Variants in WWTR1 observed in about 807,000 individuals in gnomAD.
WWTR1 encodes the protein WW domain containing transcription regulator 1, also known as WW domain-containing transcription regulator protein 1.
A neutral mutation model predicts 40.1 loss-of-function variants in WWTR1; 13 were observed. The observed-to-expected ratio is 0.32, with a 90% confidence interval of 0.21 to 0.52. The LOEUF is 0.52. Ranked by LOEUF, WWTR1 falls within the 20% of genes least tolerant of loss-of-function variation. The pLI, the probability that WWTR1 is intolerant of heterozygous loss-of-function variation, is 0.97. For synonymous variants in WWTR1, 230 were observed against 210.1 expected (o/e 1.09, Z -0.82); for missense variants, 436 against 523.1 (o/e 0.83, Z 1.63).
chr3:149,690,407 A>C (rs1324081476), intron 1 of WWTR1, among the ~76,000 whole-genome samples: 1 of 152,198 alleles, frequency 6.6e-6, no homozygotes, highest in Non-Finnish European at 1.5e-5. Flanking sequence ...CATAGACTAA[A>C]AATAAAGGGA....
At chr3:149,606,081 T>C (rs1349879420) in intron 2 of WWTR1, among the ~76,000 whole-genome samples, 1 of 152,162 alleles carries the variant, frequency 6.6e-6, no homozygotes, top group Non-Finnish European at 1.5e-5. Context: ...ATATGATGAC[T>C]CGGGTAGAAG....
rs539142472 is a variant in WWTR1 at position 149,710,900 on chromosome 3, G to A, written n.584+6542C>T. ...GGCACGTTATCCCCTTTTAACAAAG[G>A]AAGAAATTGAAGCATAAAGAAGTTA... On this transcript the variant is annotated intron_variant and non_coding_transcript_variant, in intron 5 of 6. Coordinates refer to the WWTR1 transcript ENST00000474080. Among the ~76,000 whole-genome samples, 8 of 151,954 alleles carry A rather than the reference G, an allele frequency of 5.3e-5. No homozygotes were observed. In the South Asian group the frequency reaches 1.5e-3, roughly 28 times the overall value.
Position 149,517,521 on chromosome 3 carries a change from C to G in WWTR1, c.*3284G>C, listed in dbSNP as rs1734842762. 6.6e-6 allele frequency: 1 copy of G among 152,178 alleles called. No individual in the cohort carries two copies. Among genetic ancestry groups the G allele is most frequent in the South Asian group, 2.1e-4 (1 of 4,822 alleles). 9.4% of individuals were successfully genotyped at this position (152,178 alleles called of 1,614,324 possible). Reference sequence around the variant, plus strand: ...CCTTTTTTTAACAGCTTATTTTTTTCATAAAAGTTGTACTTTGAGAAGTTA... The same window carrying G: ...CCTTTTTTTAACAGCTTATTTTTTTGATAAAAGTTGTACTTTGAGAAGTTA... On this transcript the variant is annotated 3_prime_UTR_variant, in exon 7 of 7. Coordinates refer to ENST00000360632, the MANE Select transcript of WWTR1 (RefSeq NM_015472.6).
At chr3:149,548,502 A>G (rs1198891808) in intron 3 of WWTR1, among the ~76,000 whole-genome samples, 1 of 152,192 alleles carries the variant, frequency 6.6e-6, no homozygotes, top group East Asian at 1.9e-4. Flanking sequence ...ATACACATAT[A>G]CAATGCCAAG....
At chr3:149,638,468 G>A (rs759609072) in intron 2 of WWTR1, among the ~76,000 whole-genome samples, 1 of 152,104 alleles carries the variant, frequency 6.6e-6, no homozygotes, top group Non-Finnish European at 1.5e-5. Flanking sequence ...CATTTAAAGG[G>A]CAATGGCATA....
At chr3:149,560,707 C>T (rs1737045477) in intron 3 of WWTR1, among the ~76,000 whole-genome samples, 1 of 151,986 alleles carries the variant, frequency 6.6e-6, no homozygotes, top group South Asian at 2.1e-4. Context: ...AAATTCAAAA[C>T]TCACAACTCA....
chr3:149,626,772 G>T (rs1379972761), intron 2 of WWTR1, among the ~76,000 whole-genome samples: 1 of 152,178 alleles, frequency 6.6e-6, no homozygotes, highest in Non-Finnish European at 1.5e-5. Context: ...ACAGCATAAA[G>T]GTGCATCTAA....
At chr3:149,634,806 A>C (rs1711728598) in intron 2 of WWTR1, among the ~76,000 whole-genome samples, 2 of 152,184 alleles carry the variant, frequency 1.3e-5, no homozygotes, top group African/African-American at 4.8e-5. Flanking sequence ...CTACCTCAGC[A>C]CCAGCAACCA....
At chr3:149,530,411 G>A (rs1164661379) in intron 4 of WWTR1, among the ~76,000 whole-genome samples, 1 of 151,546 alleles carries the variant, frequency 6.6e-6, no homozygotes, top group Non-Finnish European at 1.5e-5. Context: ...TTTATATATG[G>A]TAAGAATCAT....
At chr3:149,644,237 A>G (rs1449826618) in intron 2 of WWTR1, among the ~76,000 whole-genome samples, 1 of 152,104 alleles carries the variant, frequency 6.6e-6, no homozygotes, top group African/African-American at 2.4e-5. Context: ...AATCCTGTCA[A>G]ATTTACCTGC....
chr3:149,680,031 C>T lies in WWTR1; in HGVS notation c.-107-10140G>A, dbSNP rs1243798166. 8.5e-5 allele frequency among the ~76,000 whole-genome samples: 13 copies of T among 152,162 alleles called. 1 individual carries two copies. Among genetic ancestry groups the T allele is most frequent in the Admixed American group, 5.2e-4 (8 of 15,270 alleles). On this transcript the variant is annotated intron_variant, in intron 1 of 7. Coordinates refer to the WWTR1 transcript ENST00000465804. ...TGTGGGAAAGTTACTTAACACTTCC[C>T]TTTCCTCAGCTATTCAATAAGGTGA...
At chr3:149,674,072 A>C (rs1225938888) in intron 1 of WWTR1, among the ~76,000 whole-genome samples, 1 of 151,778 alleles carries the variant, frequency 6.6e-6, no homozygotes, top group African/African-American at 2.4e-5. Flanking sequence ...AAAAAAAATT[A>C]GCTGGGCATG....
intron 2 of WWTR1, among the ~76,000 whole-genome samples, chr3:149,645,550 T>G (rs1712469291): frequency 6.6e-6 from 1 of 152,234 alleles, no homozygotes; most frequent in Non-Finnish European, 1.5e-5. Context: ...AAAAGCCAGC[T>G]TTTTAAAAAC....
At chr3:149,712,513 T>C (rs1233990185) in intron 5 of WWTR1, among the ~76,000 whole-genome samples, 1 of 152,226 alleles carries the variant, frequency 6.6e-6, no homozygotes, top group Admixed American at 6.5e-5. Flanking sequence ...TGTTATATAT[T>C]GATCACACTT....
chr3:149,526,645 G>A (rs1735329432), intron 5 of WWTR1, among the ~76,000 whole-genome samples: 1 of 152,100 alleles, frequency 6.6e-6, no homozygotes, highest in African/African-American at 2.4e-5. Context: ...GGCAAATCTG[G>A]GTAGTGGGTA....
chr3:149,585,978 A>C (rs1293078541), intron 2 of WWTR1, among the ~76,000 whole-genome samples: 3 of 152,218 alleles, frequency 2.0e-5, no homozygotes, highest in Non-Finnish European at 2.9e-5. Flanking sequence ...TTTTTAAACA[A>C]GTATGTTTAT....
intron 2 of WWTR1, among the ~76,000 whole-genome samples, chr3:149,638,483 T>C (rs1323626886): frequency 1.3e-5 from 2 of 152,172 alleles, no homozygotes; most frequent in Non-Finnish European, 2.9e-5. Context: ...GGCATAATAC[T>C]AGTATAATTC....
exon 5 of WWTR1, chr3:149,717,543 A>C (rs568595967): frequency 1.3e-5 from 2 of 152,360 alleles, no homozygotes; most frequent in South Asian, 4.1e-4. Flanking sequence ...TCGAGGTGCC[A>C]GAGCAAATCC....
intron 3 of WWTR1, among the ~76,000 whole-genome samples, chr3:149,554,725 T>A (rs1307689734): frequency 6.6e-6 from 1 of 151,928 alleles, no homozygotes; most frequent in African/African-American, 2.4e-5. Context: ...GAACTCTTTC[T>A]TCCACCTAAA....
Sources: gnomAD v4.1 joint callset for allele counts (sites outside exome capture counted in the v4.1 genomes callset) on GRCh38, gnomAD v4.1.1 for gene constraint, MANE v1.5 for transcripts, NCBI Gene and HGNC (gene_info 2026-07-23, HGNC 2026-07-21) for gene names.